The following CRISPLD2 variants were observed in gnomAD, a reference collection of about 807,000 sequenced individuals.
CRISPLD2 encodes the protein cysteine-rich secretory protein LCCL domain-containing 2.
CRISPLD2 carries 47 observed loss-of-function variants against 71.1 expected under a neutral mutation model. The observed-to-expected ratio is 0.66, with a 90% CI of 0.52 to 0.84. The LOEUF is 0.84. Among genes scored for constraint, CRISPLD2 ranks in the 40% least tolerant of loss-of-function variants. The probability of loss-of-function intolerance (pLI) is 0.00; values close to 1 mark genes in which losing one functional copy is unlikely to be tolerated. For missense variants in CRISPLD2, 830 were observed against 651.1 expected (o/e 1.27, Z -2.99); for synonymous variants, 317 against 250.1 (o/e 1.27, Z -2.52).
chr16:84,874,088 T>C (rs751919571), intron 11 of CRISPLD2, 125 bp downstream of exon 11: 33 of 855,746 alleles, frequency 3.9e-5, no homozygotes, highest in Admixed American at 3.3e-4. Context: ...GTTCTCATCA[T>C]TGTCAAGCCT....
chr16:84,863,772 C>T (rs981957380), intron 6 of CRISPLD2, among the ~76,000 whole-genome samples: 1 of 151,994 alleles, frequency 6.6e-6, no homozygotes, highest in Non-Finnish European at 1.5e-5. Flanking sequence ...AGTTTGAGAC[C>T]AGCCTGACCA....
intron 1 of CRISPLD2, among the ~76,000 whole-genome samples, chr16:84,837,031 G>C (rs918019682): frequency 2.6e-5 from 4 of 152,190 alleles, no homozygotes; most frequent in Admixed American, 6.5e-5. Context: ...GCCAGGGACA[G>C]AGTCCTCTTC....
intron 8 of CRISPLD2, among the ~76,000 whole-genome samples, chr16:84,871,150 T>C (rs1045782822): frequency 2.0e-5 from 3 of 152,230 alleles, no homozygotes; most frequent in Non-Finnish European, 1.5e-5. Context: ...CAAGGGAAGC[T>C]GAAGAGCTAA....
In CRISPLD2 at chr16:84,872,326, G is replaced by A. The variant is rs1329023185; in HGVS notation, c.915-116G>A. On this transcript the variant is annotated intron_variant, in intron 8 of 14. Transcript: ENST00000262424. The stretch of plus-strand genomic sequence containing the variant: ...TGTCCAAAAACAATGGAATCCACAT[G>A]AATGAAGCTTTTCTATATTTAGTAA... The A allele has an allele frequency of 5.7e-6, 5 of 874,852 alleles. No individual in the cohort carries two copies. In the Admixed American group the frequency reaches 6.5e-5, roughly 11 times the overall value. 54.2% of individuals were successfully genotyped at this position (874,852 alleles called of 1,614,324 possible). A position where few individuals can be genotyped will look rare whatever the true frequency, so the allele number is the denominator to read the frequency against.
chr16:84,862,789 T>A (rs979087629), intron 6 of CRISPLD2, among the ~76,000 whole-genome samples: 1 of 149,628 alleles, frequency 6.7e-6, no homozygotes, highest in African/African-American at 2.5e-5. Flanking sequence ...AGATGTGGGA[T>A]CAGGCTGGTG....
At chr16:84,891,063 G>A (rs144144583) in intron 14 of CRISPLD2, among the ~76,000 whole-genome samples, 5 of 152,248 alleles carry the variant, frequency 3.3e-5, no homozygotes, top group East Asian at 1.9e-4. Flanking sequence ...CACCGCACTC[G>A]GCCGCCATGA....
intron 6 of CRISPLD2, among the ~76,000 whole-genome samples, chr16:84,863,998 A>G (rs1016074222): frequency 3.8e-5 from 2 of 52,816 alleles, no homozygotes; most frequent in East Asian, 4.7e-4. Context: ...GAGAGAAAAA[A>G]AAAGAAAAGA....
At chr16:84,824,364 C>T (rs1013300654) in intron 1 of CRISPLD2, among the ~76,000 whole-genome samples, 1 of 152,210 alleles carries the variant, frequency 6.6e-6, no homozygotes, top group Non-Finnish European at 1.5e-5. Flanking sequence ...TTGAGAACAG[C>T]TCACTCTAGA....
At chr16:84,879,758 C>A (rs1289297190) in intron 12 of CRISPLD2, among the ~76,000 whole-genome samples, 6 of 152,140 alleles carry the variant, frequency 3.9e-5, no homozygotes, top group African/African-American at 1.4e-4. Flanking sequence ...CTTCTCAGTC[C>A]CTTTGCCTGG....
chr16:84,846,088 T>G, intron 3 of CRISPLD2, 184 bp downstream of exon 3: 1 of 496,496 alleles, frequency 2.0e-6, no homozygotes, highest in Non-Finnish European at 3.6e-6. Context: ...ACAAAATGTA[T>G]TCAAGCTTGG....
chr16:84,828,275 C>A (rs1331372709), intron 1 of CRISPLD2: 1 of 152,186 alleles, frequency 6.6e-6, no homozygotes, highest in South Asian at 2.1e-4. Flanking sequence ...AAAGAAACAT[C>A]ATTAAACACC....
intron 6 of CRISPLD2, among the ~76,000 whole-genome samples, chr16:84,856,358 T>C (rs1004859910): frequency 6.6e-6 from 1 of 152,208 alleles, no homozygotes; most frequent in Non-Finnish European, 1.5e-5. Context: ...CAGCCAACAC[T>C]GTAACTCCCT....
At chr16:84,883,977 G>A (rs2071590188) in intron 13 of CRISPLD2, among the ~76,000 whole-genome samples, 1 of 151,688 alleles carries the variant, frequency 6.6e-6, no homozygotes, top group South Asian at 2.1e-4. Flanking sequence ...CCGAGTAGCT[G>A]GGATTACAGG....
chr16:84,882,961 G>A (rs1158176228), intron 13 of CRISPLD2, among the ~76,000 whole-genome samples: 1 of 152,168 alleles, frequency 6.6e-6, no homozygotes, highest in Non-Finnish European at 1.5e-5. Context: ...ATGAACAGGC[G>A]TGAGGGGAAA....
In CRISPLD2 at chr16:84,867,043, G is replaced by T. The variant is rs774610697; in HGVS notation, c.853+3G>T. 1 of 1,613,634 alleles carries T rather than the reference G, an allele frequency of 6.2e-7. No individual in the cohort carries two copies. The highest frequency in any genetic ancestry group is 1.1e-5 in the South Asian group (1 of 91,072). ...AACCTCTGCGGTCAACTACATGAGTGAGTCTAGGCCGTCCTCCGCCCCTCC... is the reference window on the plus strand; with the variant it reads ...AACCTCTGCGGTCAACTACATGAGTTAGTCTAGGCCGTCCTCCGCCCCTCC... On this transcript the variant is annotated splice_donor_region_variant and intron_variant, in intron 7 of 14. Transcript: ENST00000262424.
intron 8 of CRISPLD2, among the ~76,000 whole-genome samples, chr16:84,869,766 C>G (rs551986381): frequency 1.3e-5 from 2 of 152,270 alleles, no homozygotes; most frequent in Non-Finnish European, 2.9e-5. Flanking sequence ...TGCACTGCCC[C>G]GTCTGGGCTG....
chr16:84,845,702 C>G, intron 2 of CRISPLD2, 84 bp from the exon 3 acceptor site: 1 of 908,996 alleles, frequency 1.1e-6, no homozygotes, highest in Non-Finnish European at 1.7e-6. Flanking sequence ...CACAGGAGCC[C>G]AGGCTGGGGC....
At chr16:84,885,505 A>ATCAGCCCCTGCAGG (rs1410008336) in intron 13 of CRISPLD2, among the ~76,000 whole-genome samples, 1 of 152,228 alleles carries the variant, frequency 6.6e-6, no homozygotes, top group East Asian at 1.9e-4. Context: ...CTGTGCTGAC[A>ATCAGCCCCTGCAGG]TCAGCCCCTG....
chr16:84,850,222 C>T (rs916439302), intron 4 of CRISPLD2, among the ~76,000 whole-genome samples: 1 of 152,010 alleles, frequency 6.6e-6, no homozygotes, highest in Non-Finnish European at 1.5e-5. Context: ...TCCTGAGTAG[C>T]TGGGACTATA....
Sources: allele counts gnomAD v4.1 joint callset (sites outside exome capture counted in the v4.1 genomes callset), GRCh38; gene constraint gnomAD v4.1.1; transcripts MANE v1.5; gene names NCBI Gene and HGNC (gene_info 2026-07-23, HGNC 2026-07-21).